Variants in CASQ1 observed in about 807,000 individuals in gnomAD.
The protein encoded by CASQ1 is calsequestrin-1.
Under a neutral mutation model 49.5 loss-of-function variants are expected in CASQ1, and 40 were observed. The ratio of observed to expected loss-of-function variants is 0.81; its 90% CI spans 0.63 to 1.05. The LOEUF (loss-of-function observed/expected upper bound fraction) is 1.05. Ranked by LOEUF, CASQ1 falls within the 50% of genes least tolerant of loss-of-function variation. The pLI is 0.00. For missense variants in CASQ1, 469 were observed against 486.9 expected (o/e 0.96, Z 0.35); for synonymous variants, 174 against 187.2 (o/e 0.93, Z 0.58).
At chr1:160,199,957 C>T in intron 10 of CASQ1, 32 bp downstream of exon 10, 2 of 1,418,432 alleles carry the variant, frequency 1.4e-6, no homozygotes, top group Non-Finnish European at 2.0e-6. Flanking sequence ...CGGGTTGACC[C>T]CCGACTCTAC....
intron 9 of CASQ1, 149 bp from the exon 10 acceptor site, chr1:160,199,702 C>T (rs1466277463): frequency 7.8e-6 from 5 of 643,388 alleles, no homozygotes; most frequent in South Asian, 7.3e-5. Flanking sequence ...TCTACCCTTG[C>T]CTTGATGCCC....
At chr1:160,196,124 A>G in intron 6 of CASQ1, 97 bp downstream of exon 6, 1 of 1,259,496 alleles carries the variant, frequency 7.9e-7, no homozygotes, top group Non-Finnish European at 1.1e-6. Context: ...CCAACCGGGA[A>G]GCCAATCTTG....
intron 3 of CASQ1, 76 bp from the exon 4 acceptor site, chr1:160,194,936 C>A: frequency 1.1e-6 from 1 of 881,624 alleles, no homozygotes; most frequent in Non-Finnish European, 1.8e-6. Context: ...AGTTCCCCAG[C>A]CTTCTTTTCC....
chr1:160,192,526 C>T (rs1422150678), intron 1 of CASQ1: 1 of 333,170 alleles, frequency 3.0e-6, no homozygotes, highest in Admixed American at 4.5e-5. Context: ...CTCCTCAGTA[C>T]CTCTTAGGCA....
At chr1:160,199,351 T>A (rs777138078) in intron 9 of CASQ1, among the ~76,000 whole-genome samples, 2 of 152,186 alleles carry the variant, frequency 1.3e-5, no homozygotes, top group African/African-American at 2.4e-5. Context: ...CACATGGGTA[T>A]ACACACTCAA....
chr1:160,199,199 C>T (rs1654314698), intron 9 of CASQ1, 146 bp downstream of exon 9: 5 of 636,336 alleles, frequency 7.9e-6, no homozygotes, highest in Middle Eastern at 6.7e-4. Context: ...TGCTTAAGGG[C>T]ACTGTTGGCA....
intron 10 of CASQ1, 112 bp downstream of exon 10, chr1:160,200,037 T>A (rs1195114639): frequency 1.3e-6 from 1 of 748,884 alleles, no homozygotes; most frequent in African/African-American, 1.7e-5. Context: ...GACGCAGACA[T>A]GCCCAGTCTA....
At chr1:160,199,152 C>A in intron 9 of CASQ1, 99 bp downstream of exon 9, 8 of 816,966 alleles carry the variant, frequency 9.8e-6, no homozygotes, top group Non-Finnish European at 1.7e-5. Context: ...ATCCCCACCT[C>A]CTAGCTGGGG....
chr1:160,199,723 A>G (rs1252320040), intron 9 of CASQ1, 128 bp from the exon 10 acceptor site: 1 of 685,874 alleles, frequency 1.5e-6, no homozygotes, highest in South Asian at 1.6e-5. Flanking sequence ...TCACAGGTGG[A>G]CCTGTCCCCA....
chr1:160,193,931 G>GCACACACACACCACACACA, intron 3 of CASQ1, 84 bp downstream of exon 3: 1 of 781,130 alleles, frequency 1.3e-6, no homozygotes, highest in Admixed American at 1.9e-5. Context: ...ACCTGACACT[G>GCACACACACACCACACACA]CACACACACA....
intron 2 of CASQ1, 108 bp downstream of exon 2, chr1:160,192,994 C>T (rs1654113107): frequency 1.2e-6 from 1 of 853,052 alleles, no homozygotes. Context: ...TTGGGAATCT[C>T]TCAGATTTAT....
Position 160,195,535 on chromosome 1 carries a change from G to A in CASQ1, c.651+1G>A. ...CTTCTTCGCCACCTTCGACAGCAAG[G>A]TTCTCCTCCCCGCAGCTGTATTGGT... On this transcript the variant is annotated splice_donor_variant, in intron 5 of 10. Coordinates refer to ENST00000368078, the MANE Select transcript of CASQ1 (RefSeq NM_001231.5). LOFTEE classifies it high-confidence loss of function. The A allele has an allele frequency of 6.2e-7, 1 of 1,613,392 alleles. No homozygotes were observed. Among genetic ancestry groups the A allele is most frequent in the Non-Finnish European group, 8.5e-7 (1 of 1,179,580 alleles).
chr1:160,197,469 T>TG, intron 6 of CASQ1, 100 bp from the exon 7 acceptor site: 2 of 838,984 alleles, frequency 2.4e-6, no homozygotes, highest in Non-Finnish European at 4.2e-6. Context: ...AAGCTGTCTG[T>TG]GCCCTGGGCC....
At chr1:160,192,670 A>G in intron 1 of CASQ1, 132 bp from the exon 2 acceptor site, 2 of 731,958 alleles carry the variant, frequency 2.7e-6, no homozygotes, top group Admixed American at 2.2e-5. Flanking sequence ...GATATTCTGG[A>G]TCTTAGCAAA....
chr1:160,195,617 C>T (rs975600202), intron 5 of CASQ1, 83 bp downstream of exon 5: 2 of 1,306,244 alleles, frequency 1.5e-6, no homozygotes, highest in Non-Finnish European at 2.2e-6. Flanking sequence ...CGATGGCTGA[C>T]CTGGTCCCTT....
chr1:160,194,174 A>G (rs543858107), intron 3 of CASQ1, among the ~76,000 whole-genome samples: 12 of 148,132 alleles, frequency 8.1e-5, no homozygotes, highest in Admixed American at 8.0e-4. Context: ...CCCATCACAC[A>G]CATATCACAT....
In CASQ1 at chr1:160,198,674, C is replaced by T. The variant is rs1165907016; in HGVS notation, c.829-3C>T. The T allele has an allele frequency of 1.9e-6, 3 of 1,612,516 alleles. No individual in the cohort carries two copies. The Admixed American group carries it at 5.0e-5, about 27-fold the overall frequency. Reference sequence around the variant, plus strand: ...CCCTGTTCTCCTTCTTACCCCCTGACAGGAGGATGATATGGATGGAATCCA... The same window carrying T: ...CCCTGTTCTCCTTCTTACCCCCTGATAGGAGGATGATATGGATGGAATCCA... On this transcript the variant is annotated splice_region_variant and splice_polypyrimidine_tract_variant and intron_variant, in intron 7 of 10. Transcript: ENST00000368078.
chr1:160,197,785 A>G (rs962583250), intron 7 of CASQ1, among the ~76,000 whole-genome samples, 171 bp downstream of exon 7: 5 of 151,482 alleles, frequency 3.3e-5, no homozygotes, highest in East Asian at 2.0e-4. Flanking sequence ...TTGGGAGGCC[A>G]AGGTGGGTGG....
intron 3 of CASQ1, among the ~76,000 whole-genome samples, chr1:160,194,763 ACAT>A (rs2101673888): frequency 6.7e-6 from 1 of 149,790 alleles, no homozygotes; most frequent in East Asian, 2.0e-4. Flanking sequence ...CATCACACAC[ACAT>A]CATATACATA....
Sources: gnomAD v4.1 joint callset for allele counts (sites outside exome capture counted in the v4.1 genomes callset) on GRCh38, gnomAD v4.1.1 for gene constraint, MANE v1.5 for transcripts, NCBI Gene and HGNC (gene_info 2026-07-23, HGNC 2026-07-21) for gene names.